The following TAFA1 variants were observed in gnomAD, a reference collection of about 807,000 sequenced individuals.
TAFA1 encodes the protein TAFA chemokine like family member 1.
A neutral mutation model predicts 18.5 loss-of-function variants in TAFA1; 4 were observed. That is an observed-to-expected ratio of 0.22 (90% CI 0.11 to 0.49). TAFA1 has a LOEUF of 0.49. Ranked by LOEUF, TAFA1 falls within the 20% of genes least tolerant of loss-of-function variation. The pLI is 0.98. For synonymous variants in TAFA1, 56 were observed against 55.2 expected, an observed-to-expected ratio of 1.01 and a Z score of -0.06; for missense variants, 147 against 169.0, an observed-to-expected ratio of 0.87 and a Z score of 0.72.
upstream of TAFA1, among the ~76,000 whole-genome samples, chr3:68,000,474 T>TCCAAGAG: frequency 6.6e-6 from 1 of 152,354 alleles, no homozygotes; most frequent in African/African-American, 2.4e-5. Flanking sequence ...GGATCCAAGA[T>TCCAAGAG]AAGAGCCTAG....
chr3:68,503,472 G>A (rs1510364), intron 3 of TAFA1, among the ~76,000 whole-genome samples: 1 of 152,120 alleles, frequency 6.6e-6, no homozygotes, highest in Non-Finnish European at 1.5e-5. Flanking sequence ...GAAATGTCCA[G>A]AATAGGTAAA....
chr3:68,056,936 A>C (rs2064544144), intron 2 of TAFA1, among the ~76,000 whole-genome samples: 1 of 152,292 alleles, frequency 6.6e-6, no homozygotes, highest in Admixed American at 6.5e-5. Context: ...TGCAATACCC[A>C]GATCCATTTG....
At chr3:68,361,253 T>G (rs1035221442) in intron 2 of TAFA1, among the ~76,000 whole-genome samples, 1 of 151,920 alleles carries the variant, frequency 6.6e-6, no homozygotes. Flanking sequence ...GAAAGATAGA[T>G]GCCATATGTT....
chr3:68,219,559 A>C (rs2066704803), intron 2 of TAFA1, among the ~76,000 whole-genome samples: 1 of 152,036 alleles, frequency 6.6e-6, no homozygotes, highest in Admixed American at 6.6e-5. Context: ...GATCACTCTC[A>C]GCTTCTAGAG....
At chr3:68,216,556 C>T (rs72626934) in intron 2 of TAFA1, among the ~76,000 whole-genome samples, 9,169 of 151,984 alleles carry the variant, frequency 0.06, 492 homozygotes, top group East Asian at 0.3. Flanking sequence ...TGTATATATG[C>T]GGCATTGTTA....
intron 2 of TAFA1, among the ~76,000 whole-genome samples, chr3:68,333,114 A>AAC (rs1438505423): frequency 2.0e-5 from 3 of 152,208 alleles, no homozygotes; most frequent in Admixed American, 6.5e-5. Flanking sequence ...AAGAACTTAA[A>AAC]ACAGAATTAT....
chr3:68,111,587 T>G (rs1410237508), intron 2 of TAFA1, among the ~76,000 whole-genome samples: 1 of 152,112 alleles, frequency 6.6e-6, no homozygotes, highest in Admixed American at 6.6e-5. Context: ...AGATTAATTG[T>G]GCAAAAGTGT....
chr3:68,357,623 T>C (rs262245), intron 2 of TAFA1, among the ~76,000 whole-genome samples: 73,912 of 151,316 alleles, frequency 0.49, 18,483 homozygotes, highest in East Asian at 0.73. Flanking sequence ...TCCAATTAGC[T>C]GACAAGTGGT....
At chr3:68,428,429 A>G (rs1273155043) in intron 3 of TAFA1, among the ~76,000 whole-genome samples, 1 of 151,944 alleles carries the variant, frequency 6.6e-6, no homozygotes, top group Non-Finnish European at 1.5e-5. Context: ...AAAGTCATAA[A>G]CACAGGCATC....
intron 2 of TAFA1, among the ~76,000 whole-genome samples, chr3:68,137,141 G>T (rs1289842351): frequency 1.3e-5 from 2 of 152,008 alleles, no homozygotes; most frequent in Non-Finnish European, 2.9e-5. Context: ...CTCTCCTGTT[G>T]TCATGGAATA....
intron 3 of TAFA1, among the ~76,000 whole-genome samples, chr3:68,530,175 CAGT>C (rs2073170288): frequency 1.3e-5 from 2 of 152,140 alleles, no homozygotes; most frequent in Admixed American, 6.6e-5. Flanking sequence ...TCTACTGAAA[CAGT>C]AGAAAGGGAC....
intron 2 of TAFA1, among the ~76,000 whole-genome samples, chr3:68,397,626 G>T (rs760260708): frequency 6.6e-6 from 1 of 152,026 alleles, no homozygotes; most frequent in Non-Finnish European, 1.5e-5. Context: ...ATAAACACAC[G>T]TGTGCATATG....
At chr3:68,080,627 T>C (rs1032056486) in intron 2 of TAFA1, among the ~76,000 whole-genome samples, 1 of 152,238 alleles carries the variant, frequency 6.6e-6, no homozygotes, top group African/African-American at 2.4e-5. Flanking sequence ...TCTTTAAGAA[T>C]GTTGAATATT....
At chr3:68,199,126 C>T (rs1293338275) in intron 2 of TAFA1, among the ~76,000 whole-genome samples, 3 of 151,544 alleles carry the variant, frequency 2.0e-5, no homozygotes, top group African/African-American at 4.8e-5. Flanking sequence ...GTTAACAACA[C>T]TATCTTTCTC....
intron 3 of TAFA1, among the ~76,000 whole-genome samples, chr3:68,512,660 T>C (rs888598933): frequency 6.8e-6 from 1 of 147,740 alleles, no homozygotes; most frequent in Non-Finnish European, 1.5e-5. Context: ...AAAAGAGTTC[T>C]GGGTGGTTTT....
intron 3 of TAFA1, among the ~76,000 whole-genome samples, chr3:68,501,462 TGA>T (rs2106707270): frequency 6.6e-6 from 1 of 152,280 alleles, no homozygotes; most frequent in Non-Finnish European, 1.5e-5. Context: ...ATACCTACCA[TGA>T]GAGTGTATAA....
chr3:68,034,477 G>T (rs1049699053), intron 2 of TAFA1, among the ~76,000 whole-genome samples: 1 of 152,130 alleles, frequency 6.6e-6, no homozygotes, highest in African/African-American at 2.4e-5. Context: ...AGCAAGTAAG[G>T]GAGAAGGATT....
intron 2 of TAFA1, among the ~76,000 whole-genome samples, chr3:68,122,238 C>T (rs951721392): frequency 6.6e-6 from 1 of 151,792 alleles, no homozygotes; most frequent in Non-Finnish European, 1.5e-5. Flanking sequence ...TTTAACTTTC[C>T]TAATGATTTT....
chr3:68,356,633 C>A (rs949125108), intron 2 of TAFA1, among the ~76,000 whole-genome samples: 1 of 151,850 alleles, frequency 6.6e-6, no homozygotes, highest in Non-Finnish European at 1.5e-5. Context: ...TGGCTTCTCA[C>A]ACCAAAGATC....
Sources: gnomAD v4.1 joint callset for allele counts (sites outside exome capture counted in the v4.1 genomes callset) on GRCh38, gnomAD v4.1.1 for gene constraint, MANE v1.5 for transcripts, NCBI Gene and HGNC (gene_info 2026-07-23, HGNC 2026-07-21) for gene names.